Variants in PRKCQ observed in about 807,000 individuals in gnomAD.
The protein encoded by PRKCQ is protein kinase C theta.
In PRKCQ, 41 loss-of-function variants were observed where a neutral mutation model predicts 91.2. The ratio of observed to expected loss-of-function variants is 0.45; its 90% confidence interval spans 0.35 to 0.58. The LOEUF is 0.58. Ranked by LOEUF, PRKCQ falls within the 20% of genes least tolerant of loss-of-function variation. The pLI, the probability that PRKCQ is intolerant of heterozygous loss-of-function variation, is 0.00. For missense variants in PRKCQ, 673 were observed against 896.5 expected (o/e 0.75, Z 3.18); for synonymous variants, 307 against 316.9 (o/e 0.97, Z 0.33).
In PRKCQ at chr10:6,465,663, A is replaced by G. The variant is rs558227550; in HGVS notation, c.1354-1259T>C. Among the ~76,000 whole-genome samples the G allele has an allele frequency of 7.2e-5, 11 of 152,364 alleles. No individual in the cohort carries two copies. The highest frequency in any genetic ancestry group is 2.6e-4 in the African/African-American group (11 of 41,586). On this transcript the variant is annotated intron_variant, in intron 12 of 17. Transcript: ENST00000263125. This position sits in a 1 kb window ranked among gnomAD's most constrained non-coding sequence, Gnocchi z 4.4. ...TTACGTTTTGATGTGAACCCAACCG[A>G]GGCCGTGGGGCATAGGAGGTAATAG...
intron 1 of PRKCQ, among the ~76,000 whole-genome samples, chr10:6,557,891 A>G (rs183381593): frequency 1.3e-5 from 2 of 152,212 alleles, no homozygotes; most frequent in Admixed American, 6.5e-5. Flanking sequence ...CATCTCCTCC[A>G]ACCATCTACG....
intron 1 of PRKCQ, among the ~76,000 whole-genome samples, chr10:6,523,757 C>T (rs1347963840): frequency 6.6e-6 from 1 of 152,218 alleles, no homozygotes; most frequent in South Asian, 2.1e-4. Context: ...TAGATAGTCC[C>T]ACTAAGGCAT....
chr10:6,543,165 C>T (rs1304204923), intron 1 of PRKCQ, among the ~76,000 whole-genome samples: 3 of 152,204 alleles, frequency 2.0e-5, no homozygotes, highest in African/African-American at 4.8e-5. Context: ...AAGTCGTGTT[C>T]GTTAGCCCAG....
At chr10:6,537,965 A>G (rs1440004496) in intron 1 of PRKCQ, among the ~76,000 whole-genome samples, 1 of 152,192 alleles carries the variant, frequency 6.6e-6, no homozygotes, top group Non-Finnish European at 1.5e-5. Flanking sequence ...ATAAAAGCTA[A>G]GTGGCATGAA....
In PRKCQ at chr10:6,432,383, G is replaced by C. The variant is rs149994531; in HGVS notation, c.1837-1445C>G. Among the ~76,000 whole-genome samples, 3 of 152,070 alleles carry C rather than the reference G, an allele frequency of 2.0e-5. No individual in the cohort carries two copies. In the South Asian group the frequency reaches 6.2e-4, roughly 32 times the overall value. ...TGCTATTGTAAAGTGAAGTTTTTTC[G>C]CTTTTTTAAAAAAAAGTAGGAGAAT... On this transcript the variant is annotated intron_variant, in intron 16 of 17. Coordinates refer to ENST00000263125, the MANE Select transcript of PRKCQ (RefSeq NM_006257.5).
chr10:6,406,931 C>T, the PRKCQ span, among the ~76,000 whole-genome samples: 2 of 152,140 alleles, frequency 1.3e-5, no homozygotes, highest in Non-Finnish European at 2.9e-5. Flanking sequence ...ATGATTTAAG[C>T]ACAGCTAATA....
intron 1 of PRKCQ, among the ~76,000 whole-genome samples, chr10:6,551,537 C>T (rs2130935401): frequency 6.6e-6 from 1 of 152,126 alleles, no homozygotes; most frequent in South Asian, 2.1e-4. Context: ...GCTGGGACTA[C>T]AGGTGCCTGC....
intron 2 of PRKCQ, among the ~76,000 whole-genome samples, chr10:6,511,500 G>A (rs764411308): frequency 2.0e-5 from 3 of 152,156 alleles, no homozygotes; most frequent in Admixed American, 6.5e-5. Flanking sequence ...GCTGCTCACC[G>A]CACAGAAAGC....
chr10:6,565,490 G>A (rs1840808258), intron 1 of PRKCQ, among the ~76,000 whole-genome samples: 1 of 152,102 alleles, frequency 6.6e-6, no homozygotes, highest in African/African-American at 2.4e-5. Flanking sequence ...TAATGGTTGA[G>A]TTTTACTTTA....
At chr10:6,410,394 G>C in the PRKCQ span, among the ~76,000 whole-genome samples, 1 of 152,222 alleles carries the variant, frequency 6.6e-6, no homozygotes, top group African/African-American at 2.4e-5. Flanking sequence ...ATCACAGCTG[G>C]TTTTCTGTTT....
intron 1 of PRKCQ, among the ~76,000 whole-genome samples, chr10:6,523,903 A>C (rs1390925918): frequency 6.6e-6 from 1 of 152,156 alleles, no homozygotes; most frequent in East Asian, 1.9e-4. Context: ...CACGACTCTC[A>C]GTGGAGTCCC....
At chr10:6,533,266 C>T (rs549444851) in intron 1 of PRKCQ, among the ~76,000 whole-genome samples, 5 of 152,244 alleles carry the variant, frequency 3.3e-5, no homozygotes, top group African/African-American at 9.6e-5. Context: ...GGCATGATCT[C>T]GGCTCACTGC....
At chr10:6,434,946 G>C (rs1245123717) in intron 16 of PRKCQ, among the ~76,000 whole-genome samples, 2 of 152,098 alleles carry the variant, frequency 1.3e-5, no homozygotes, top group Admixed American at 1.3e-4. Context: ...ATGGAGTCTT[G>C]CTCTGTCACC....
chr10:6,395,577 T>A, the PRKCQ span, among the ~76,000 whole-genome samples: 2 of 152,272 alleles, frequency 1.3e-5, no homozygotes, highest in Middle Eastern at 3.4e-3. Flanking sequence ...TCCTAAACCA[T>A]AATTTCTAAT....
chr10:6,542,189 T>G (rs1304245679), intron 1 of PRKCQ, among the ~76,000 whole-genome samples: 1 of 152,212 alleles, frequency 6.6e-6, no homozygotes, highest in Non-Finnish European at 1.5e-5. Context: ...CTCTGTGGGT[T>G]TCAGCTTCTT....
chr10:6,505,899 G>A (rs996459248), intron 4 of PRKCQ, among the ~76,000 whole-genome samples: 1 of 152,098 alleles, frequency 6.6e-6, no homozygotes, highest in African/African-American at 2.4e-5. Flanking sequence ...GCCCACCTCG[G>A]CCTCCCAAAG....
At chr10:6,546,529 CTCTG>C (rs1348465647) in intron 1 of PRKCQ, among the ~76,000 whole-genome samples, 4 of 152,130 alleles carry the variant, frequency 2.6e-5, no homozygotes, top group Admixed American at 2.6e-4. Flanking sequence ...TGATTTGGCT[CTCTG>C]TCTGGTATTG....
intron 7 of PRKCQ, among the ~76,000 whole-genome samples, chr10:6,496,650 G>T (rs1445603869): frequency 6.6e-6 from 1 of 151,932 alleles, no homozygotes; most frequent in African/African-American, 2.4e-5. Flanking sequence ...GTATATTTAG[G>T]AGGTACAAGT....
At chr10:6,559,578 C>T (rs1379726654) in intron 1 of PRKCQ, among the ~76,000 whole-genome samples, 2 of 152,078 alleles carry the variant, frequency 1.3e-5, no homozygotes, top group Admixed American at 6.6e-5. Context: ...AGGATGGTCT[C>T]GAACTCCTGA....
Sources: allele counts gnomAD v4.1 joint callset (sites outside exome capture counted in the v4.1 genomes callset), GRCh38; gene constraint gnomAD v4.1.1; non-coding constraint Gnocchi (gnomAD v3.1); transcripts MANE v1.5; gene names NCBI Gene and HGNC (gene_info 2026-07-23, HGNC 2026-07-21).